Variants in SLC25A37 observed in about 807,000 individuals in gnomAD.
The protein encoded by SLC25A37 is mitoferrin-1.
A neutral mutation model predicts 31.0 loss-of-function variants in SLC25A37; 17 were observed. That is an observed-to-expected ratio of 0.55 (90% CI 0.38 to 0.82). SLC25A37 has a LOEUF of 0.82. Ranked by LOEUF, SLC25A37 falls within the 40% of genes least tolerant of loss-of-function variation. The pLI, the probability that SLC25A37 is intolerant of heterozygous loss-of-function variation, is 0.00. For missense variants in SLC25A37, 404 were observed against 465.8 expected, an observed-to-expected ratio of 0.87 and a Z score of 1.22; for synonymous variants, 222 against 193.0, an observed-to-expected ratio of 1.15 and a Z score of -1.24.
At chr8:23,536,454 G>A (rs951152584) in intron 1 of SLC25A37, among the ~76,000 whole-genome samples, 1 of 151,976 alleles carries the variant, frequency 6.6e-6, no homozygotes, top group African/African-American at 2.4e-5. Flanking sequence ...TCCTGCCAGG[G>A]GCACCTCCGA....
intron 1 of SLC25A37, among the ~76,000 whole-genome samples, chr8:23,551,540 G>A (rs1218445776): frequency 2.6e-5 from 4 of 151,478 alleles, no homozygotes; most frequent in African/African-American, 9.7e-5. Flanking sequence ...TAAAAATGAC[G>A]TCATTGCTAA....
intron 1 of SLC25A37, among the ~76,000 whole-genome samples, chr8:23,542,699 A>G (rs4872148): frequency 8.5e-6 from 1 of 117,720 alleles, no homozygotes; most frequent in Admixed American, 9.1e-5. Flanking sequence ...TTTTTTTTTT[A>G]AGTTAATTGT....
chr8:23,554,388 T>C lies in SLC25A37; in HGVS notation c.211-11720T>C, dbSNP rs1423204006. ...GACAGGGAAGCTGGGCAGGAGAGACTGGCAGCTCAGTTCCCTCTCCAGTCC... is the reference window on the plus strand; with the variant it reads ...GACAGGGAAGCTGGGCAGGAGAGACCGGCAGCTCAGTTCCCTCTCCAGTCC... On this transcript the variant is annotated intron_variant, in intron 1 of 3. Coordinates refer to ENST00000519973, the MANE Select transcript of SLC25A37 (RefSeq NM_016612.4). Among the ~76,000 whole-genome samples, 4 of 152,344 alleles carry C rather than the reference T, an allele frequency of 2.6e-5. No individual in the cohort carries two copies. In the East Asian group the frequency reaches 7.7e-4, roughly 29 times the overall value.
intron 1 of SLC25A37, among the ~76,000 whole-genome samples, chr8:23,553,501 G>C (rs941445712): frequency 6.6e-6 from 1 of 152,212 alleles, no homozygotes; most frequent in Non-Finnish European, 1.5e-5. Context: ...TGAGTGGGAT[G>C]TTTATGGGCC....
At chr8:23,562,613 G>A (rs1201864955) in intron 1 of SLC25A37, among the ~76,000 whole-genome samples, 6 of 152,164 alleles carry the variant, frequency 3.9e-5, no homozygotes, top group Admixed American at 6.5e-5. Context: ...TCACACACTA[G>A]AACCCTATCA....
chr8:23,529,047 G>A lies in SLC25A37; in HGVS notation c.45G>A (p.Arg15=), dbSNP rs1397816783. 8 of 1,572,192 alleles carry A rather than the reference G, an allele frequency of 5.1e-6. No individual in the cohort carries two copies. The highest frequency in any genetic ancestry group is 4.7e-5 in the East Asian group (2 of 42,142). The change falls in exon 1 of 4, where the codon CGG becomes CGA. Residue 15 remains arginine, a synonymous_variant. Transcript: ENST00000519973. The surrounding 1 kb of genome is among the most constrained non-coding windows in gnomAD (Gnocchi z 4.1). ...SGSVGSQAVA[R]RMDGDSRDGG... The stretch of plus-strand genomic sequence containing the variant: ...GCGTGGGCAGCCAGGCGGTGGCGCG[G>A]AGGATGGATGGGGACAGCCGAGATG...
intron 1 of SLC25A37, chr8:23,543,212 G>A (rs1367188211): frequency 6.6e-6 from 1 of 152,032 alleles, no homozygotes; most frequent in African/African-American, 2.4e-5. Flanking sequence ...GGGATTACAG[G>A]TGCGCACCAC....
At position 23,529,119 on chromosome 8, in the gene SLC25A37, G is replaced by T. The variant is rs1801607077; in HGVS notation, c.117G>T (p.Leu39=). The part of the protein sequence containing the change: ...DATGSEDYEN[L]PTSASVSTHM... The stretch of plus-strand genomic sequence containing the variant: ...CCGGGTCGGAGGACTACGAGAACCT[G>T]CCGACTAGCGCCTCCGTGTCCACCC... Residue 39 remains leucine, a synonymous_variant, in exon 1 of 4, where the codon CTG becomes CTT. Coordinates refer to ENST00000519973, the MANE Select transcript of SLC25A37 (RefSeq NM_016612.4). The surrounding 1 kb of genome is among the most constrained non-coding windows in gnomAD (Gnocchi z 4.1). 1.2e-6 allele frequency: 2 copies of T among 1,611,078 alleles called. No homozygotes were observed. Among genetic ancestry groups the T allele is most frequent in the Non-Finnish European group, 8.5e-7 (1 of 1,179,094 alleles).
At chr8:23,566,959 T>G (rs1257221179) in intron 2 of SLC25A37, 10 of 495,426 alleles carry the variant, frequency 2.0e-5, no homozygotes, top group Non-Finnish European at 2.6e-5. Context: ...TGAAATCATT[T>G]TGTTTGGTTG....
intron 1 of SLC25A37, among the ~76,000 whole-genome samples, chr8:23,534,472 C>T (rs567945901): frequency 6.6e-6 from 1 of 152,298 alleles, no homozygotes; most frequent in African/African-American, 2.4e-5. Flanking sequence ...CCCAGCTTTC[C>T]ATTGCTTCTT....
rs146351290 is a variant in SLC25A37 at position 23,536,836 on chromosome 8, A to G, written c.210+7624A>G. ...TTTCCTTCTCTCCCTCCCCACAGCT[A>G]CTTACTGCCTTGGTTCAGGGACCTG... On this transcript the variant is annotated intron_variant, in intron 1 of 3. Coordinates refer to ENST00000519973, the MANE Select transcript of SLC25A37 (RefSeq NM_016612.4). Among the ~76,000 whole-genome samples the G allele has an allele frequency of 2.8e-3, 432 of 152,168 alleles. 1 individual carries two copies. The highest frequency in any genetic ancestry group is 0.01 in the African/African-American group (417 of 41,496).
chr8:23,551,727 A>G (rs1239439195), intron 1 of SLC25A37, among the ~76,000 whole-genome samples: 1 of 152,142 alleles, frequency 6.6e-6, no homozygotes, highest in Non-Finnish European at 1.5e-5. Flanking sequence ...GGGGCAGAGA[A>G]CTGAAGTGAG....
At chr8:23,551,870 G>T (rs895350916) in intron 1 of SLC25A37, among the ~76,000 whole-genome samples, 1 of 152,162 alleles carries the variant, frequency 6.6e-6, no homozygotes, top group Non-Finnish European at 1.5e-5. Flanking sequence ...GTGTGTTGGG[G>T]GGTACCTAGG....
chr8:23,548,639 T>C (rs1455916106), intron 1 of SLC25A37, among the ~76,000 whole-genome samples: 1 of 151,896 alleles, frequency 6.6e-6, no homozygotes, highest in African/African-American at 2.4e-5. Context: ...CCCGGCTGAT[T>C]TTATAGTTTT....
At position 23,572,023 on chromosome 8, in the gene SLC25A37, G is replaced by C. The variant is rs8346; in HGVS notation, c.*168G>C. ...GGACGGCACGGCCGCTCACCGGAAG[G>C]CTGTGTGCGGGGACATCCGAGGTGG... On this transcript the variant is annotated 3_prime_UTR_variant, in exon 4 of 4. Coordinates refer to ENST00000519973, the MANE Select transcript of SLC25A37 (RefSeq NM_016612.4). The C allele has an allele frequency of 8.1e-6, 6 of 742,800 alleles. No homozygotes were observed. The highest frequency in any genetic ancestry group is 1.3e-5 in the Non-Finnish European group (6 of 463,598). 46.0% of individuals were successfully genotyped at this position (742,800 alleles called of 1,614,324 possible). A position where few individuals can be genotyped will look rare whatever the true frequency, so the allele number is the denominator to read the frequency against.
intron 2 of SLC25A37, chr8:23,567,023 G>A (rs148518831): frequency 2.3e-3 from 372 of 162,452 alleles, no homozygotes; most frequent in African/African-American, 7.9e-3. Context: ...CAGCTCTTAC[G>A]TAAGGCATGT....
chr8:23,546,503 A>ATATATAGG (rs1802042557), intron 1 of SLC25A37, among the ~76,000 whole-genome samples: 1 of 133,788 alleles, frequency 7.5e-6, no homozygotes, highest in East Asian at 2.6e-4. Flanking sequence ...GTGTGTATAT[A>ATATATAGG]TATATATAGG....
intron 1 of SLC25A37, chr8:23,531,789 T>A (rs1219327332): frequency 6.6e-6 from 1 of 152,240 alleles, no homozygotes; most frequent in Non-Finnish European, 1.5e-5. Context: ...ATGCTTCCCA[T>A]TATAATATTA....
chr8:23,529,470 C>T lies in SLC25A37; in HGVS notation c.210+258C>T, dbSNP rs1801620125. Among the ~76,000 whole-genome samples the T allele has an allele frequency of 6.6e-6, 1 of 151,920 alleles. No individual in the cohort carries two copies. The highest frequency in any genetic ancestry group is 6.6e-5 in the Admixed American group (1 of 15,254). Reference sequence around the variant, plus strand: ...CGTGCCCGGCCCCGGCTGCTGGCGGCGCTGAGGCGGGGGAGGCGGAGTGGC... The same window carrying T: ...CGTGCCCGGCCCCGGCTGCTGGCGGTGCTGAGGCGGGGGAGGCGGAGTGGC... On this transcript the variant is annotated intron_variant, in intron 1 of 3. Coordinates refer to ENST00000519973, the MANE Select transcript of SLC25A37 (RefSeq NM_016612.4). The surrounding 1 kb of genome is among the most constrained non-coding windows in gnomAD (Gnocchi z 4.1).
Sources: gnomAD v4.1 joint callset for allele counts (sites outside exome capture counted in the v4.1 genomes callset) on GRCh38, gnomAD v4.1.1 for gene constraint, Gnocchi (gnomAD v3.1) non-coding constraint, MANE v1.5 for transcripts, NCBI Gene and HGNC (gene_info 2026-07-23, HGNC 2026-07-21) for gene names.